NECAB1: variants seen among roughly 807,000 people sequenced by gnomAD.
The protein encoded by NECAB1 is N-terminal EF-hand calcium binding protein 1.
Under a neutral mutation model 57.5 loss-of-function variants are expected in NECAB1, and 29 were observed. The ratio of observed to expected loss-of-function variants is 0.50; its 90% confidence interval spans 0.38 to 0.69. The LOEUF (loss-of-function observed/expected upper bound fraction) is 0.69, where lower values mean the gene tolerates loss of function less well. Among genes scored for constraint, NECAB1 ranks in the 30% least tolerant of loss-of-function variants. The pLI is 0.00. For synonymous variants in NECAB1, 142 were observed against 147.7 expected (o/e 0.96, Z 0.28); for missense variants, 372 against 413.8 (o/e 0.90, Z 0.88).
chr8:90,800,595 C>T (rs529508297), intron 1 of NECAB1, among the ~76,000 whole-genome samples: 1 of 152,268 alleles, frequency 6.6e-6, no homozygotes, highest in Admixed American at 6.5e-5. Flanking sequence ...AAGTTACATT[C>T]GTGGATACTG....
At chr8:90,920,494 A>G (rs1810081799) in intron 6 of NECAB1, among the ~76,000 whole-genome samples, 1 of 152,228 alleles carries the variant, frequency 6.6e-6, no homozygotes, top group Non-Finnish European at 1.5e-5. Flanking sequence ...GATGTCAATC[A>G]AGAGACCAGT....
At chr8:90,865,511 T>A (rs570601555) in intron 3 of NECAB1, among the ~76,000 whole-genome samples, 2 of 152,300 alleles carry the variant, frequency 1.3e-5, no homozygotes, top group South Asian at 4.2e-4. Context: ...CTAGGAATAA[T>A]TGTGGTCTTA....
Position 90,881,311 on chromosome 8 carries a change from C to T in NECAB1, c.357+181C>T, listed in dbSNP as rs149173286. On this transcript the variant is annotated intron_variant, in intron 5 of 12. Coordinates refer to ENST00000417640, the MANE Select transcript of NECAB1 (RefSeq NM_022351.5). The stretch of plus-strand genomic sequence containing the variant: ...AATTATAAACACTATATGCTAAAGA[C>T]TGTGCTTTGTGTTGAGGATACAAAG... Among the ~76,000 whole-genome samples, 6 of 152,310 alleles carry T rather than the reference C, an allele frequency of 3.9e-5. No homozygotes were observed. In the East Asian group the frequency reaches 9.6e-4, roughly 24 times the overall value.
chr8:90,942,706 A>AC lies in NECAB1; in HGVS notation c.860+1812dup, dbSNP rs527242406. Among the ~76,000 whole-genome samples, 122 of 152,208 alleles carry AC rather than the reference A, an allele frequency of 8.0e-4. 1 individual carries two copies. The highest frequency in any genetic ancestry group is 2.8e-3 in the African/African-American group (115 of 41,518). On this transcript the variant is annotated intron_variant, in intron 10 of 12. Coordinates refer to ENST00000417640, the MANE Select transcript of NECAB1 (RefSeq NM_022351.5). ...AGACCAGACTGACCAACGTGATGAG[A>AC]CCCCGTCTCTACTAAAAATACAAAA...
At chr8:90,828,699 T>C (rs1586044233) in intron 3 of NECAB1, among the ~76,000 whole-genome samples, 2 of 152,202 alleles carry the variant, frequency 1.3e-5, no homozygotes, top group South Asian at 4.1e-4. Flanking sequence ...TTTTTCATTA[T>C]GTTCAGACAT....
At chr8:90,860,869 T>C (rs1180667027) in intron 3 of NECAB1, among the ~76,000 whole-genome samples, 1 of 152,004 alleles carries the variant, frequency 6.6e-6, no homozygotes, top group African/African-American at 2.4e-5. Context: ...GCAAAAATAT[T>C]CCCCCTAGTT....
intron 5 of NECAB1, among the ~76,000 whole-genome samples, chr8:90,910,348 C>A (rs1271531764): frequency 6.6e-6 from 1 of 151,974 alleles, no homozygotes; most frequent in African/African-American, 2.4e-5. Context: ...CTTATTATAA[C>A]CTTGCATAGG....
At chr8:90,821,544 A>G (rs1313771606) in intron 2 of NECAB1, among the ~76,000 whole-genome samples, 2 of 151,342 alleles carry the variant, frequency 1.3e-5, no homozygotes, top group Admixed American at 1.3e-4. Flanking sequence ...TGTCATTTGC[A>G]TTCCCTCTGC....
Position 90,938,851 on chromosome 8 carries a change from C to T in NECAB1, c.748-1935C>T, listed in dbSNP as rs537256886. ...ATTCAGTGGCTTAACACAATAACCA[C>T]AATTTTGCAGGTAGGCAATTTAGGC... On this transcript the variant is annotated intron_variant, in intron 9 of 12. Transcript: ENST00000417640. Among the ~76,000 whole-genome samples the T allele has an allele frequency of 1.5e-4, 23 of 152,296 alleles. No individual in the cohort carries two copies. In the East Asian group the frequency reaches 4.0e-3, roughly 27 times the overall value.
chr8:90,877,945 G>A (rs551779527), intron 4 of NECAB1, among the ~76,000 whole-genome samples: 4 of 152,186 alleles, frequency 2.6e-5, no homozygotes, highest in East Asian at 1.9e-4. Flanking sequence ...GTATCCAGCA[G>A]GTTAAGTCCT....
intron 5 of NECAB1, among the ~76,000 whole-genome samples, chr8:90,884,600 T>C (rs1235906441): frequency 3.9e-5 from 6 of 152,228 alleles, no homozygotes; most frequent in African/African-American, 1.4e-4. Flanking sequence ...AAGGCAAGCA[T>C]TTTAATTATT....
At chr8:90,858,836 A>G (rs1211899211) in intron 3 of NECAB1, among the ~76,000 whole-genome samples, 2 of 152,206 alleles carry the variant, frequency 1.3e-5, no homozygotes, top group African/African-American at 4.8e-5. Flanking sequence ...CCTTGATCAC[A>G]TTGACACACA....
intron 6 of NECAB1, among the ~76,000 whole-genome samples, chr8:90,923,315 G>A (rs964066175): frequency 6.6e-6 from 1 of 152,204 alleles, no homozygotes; most frequent in African/African-American, 2.4e-5. Flanking sequence ...CTAACTGAAA[G>A]TCACCATACT....
chr8:90,893,532 A>G (rs1188940815), intron 5 of NECAB1, among the ~76,000 whole-genome samples: 1 of 152,140 alleles, frequency 6.6e-6, no homozygotes, highest in Non-Finnish European at 1.5e-5. Context: ...GACAGCCCAG[A>G]TGGGTGTCCC....
At chr8:90,828,547 A>G (rs1812259096) in intron 3 of NECAB1, among the ~76,000 whole-genome samples, 1 of 152,032 alleles carries the variant, frequency 6.6e-6, no homozygotes, top group African/African-American at 2.4e-5. Flanking sequence ...GTTTGCCAGA[A>G]TTCCTAATCT....
chr8:90,881,694 T>A (rs1012864543), intron 5 of NECAB1, among the ~76,000 whole-genome samples: 1 of 152,226 alleles, frequency 6.6e-6, no homozygotes, highest in Non-Finnish European at 1.5e-5. Flanking sequence ...ATGCTTCCTG[T>A]ACAGCCTGCA....
rs754264097 is a variant in NECAB1, at chr8:90,955,491, G to A, written c.1035G>A (p.Ser345=). 4 of 1,548,992 alleles carry A rather than the reference G, an allele frequency of 2.6e-6. No homozygotes were observed. The highest frequency in any genetic ancestry group is 2.7e-5 in the African/African-American group (2 of 73,120). The part of the protein sequence containing the change: ...ELTSTMLVPA[S]WWILNN ...AAAACATTTTTCTCTTTTCAGCTTC[G>A]TGGTGGATCCTGAACAACTAGATGT... is the stretch of plus-strand genomic sequence containing the variant. Residue 345 remains serine (S), a synonymous_variant, in exon 13 of 13, where the codon TCG becomes TCA. Coordinates refer to ENST00000417640, the MANE Select transcript of NECAB1 (RefSeq NM_022351.5).
At chr8:90,889,905 T>G (rs969081247) in intron 5 of NECAB1, among the ~76,000 whole-genome samples, 2 of 152,202 alleles carry the variant, frequency 1.3e-5, no homozygotes, top group African/African-American at 4.8e-5. Flanking sequence ...ACTCCACTTG[T>G]GTGTATGTAT....
intron 5 of NECAB1, among the ~76,000 whole-genome samples, chr8:90,907,149 T>TGAGAGAGAGAGA (rs1178039932): frequency 1.3e-4 from 14 of 107,220 alleles, no homozygotes; most frequent in Admixed American, 2.1e-4. Flanking sequence ...TGTGTGTGTG[T>TGAGAGAGAGAGA]GTGAGAGAGA....
Sources: allele counts gnomAD v4.1 joint callset (sites outside exome capture counted in the v4.1 genomes callset), GRCh38; gene constraint gnomAD v4.1.1; transcripts MANE v1.5; gene names NCBI Gene and HGNC (gene_info 2026-07-23, HGNC 2026-07-21).